CDK14: variants seen among roughly 807,000 people sequenced by gnomAD.
CDK14 encodes cyclin-dependent kinase 14.
CDK14 carries 34 observed loss-of-function variants against 60.7 expected under a neutral mutation model. The ratio of observed to expected loss-of-function variants is 0.56; its 90% CI spans 0.43 to 0.75. The LOEUF is 0.75. CDK14 is among the 30% of genes least tolerant of loss of function. The probability of loss-of-function intolerance (pLI) is 0.00; values close to 1 mark genes in which losing one functional copy is unlikely to be tolerated. For missense variants in CDK14, 482 were observed against 564.1 expected, an observed-to-expected ratio of 0.85 and a Z score of 1.47; for synonymous variants, 197 against 203.7, an observed-to-expected ratio of 0.97 and a Z score of 0.28.
intron 10 of CDK14, among the ~76,000 whole-genome samples, chr7:91,026,010 A>G (rs1196674679): frequency 6.6e-6 from 1 of 151,796 alleles, no homozygotes; most frequent in Non-Finnish European, 1.5e-5. Flanking sequence ...GACATATTTT[A>G]GAGGACTAAG....
chr7:91,141,982 C>T (rs528155875), intron 14 of CDK14, among the ~76,000 whole-genome samples: 43 of 152,170 alleles, frequency 2.8e-4, no homozygotes, highest in African/African-American at 9.9e-4. Flanking sequence ...TCCACCGTCA[C>T]GCCCGGCTAA....
chr7:91,154,123 T>C (rs1279292735), intron 14 of CDK14, among the ~76,000 whole-genome samples: 1 of 152,118 alleles, frequency 6.6e-6, no homozygotes, highest in African/African-American at 2.4e-5. Flanking sequence ...CATCTTAACA[T>C]TTTAATATAT....
At chr7:91,001,838 T>A (rs1204656986) in intron 10 of CDK14, among the ~76,000 whole-genome samples, 1 of 152,214 alleles carries the variant, frequency 6.6e-6, no homozygotes, top group African/African-American at 2.4e-5. Flanking sequence ...TAAACCCAGT[T>A]GTTGTCTTTA....
At chr7:90,886,262 A>G (rs549698813) in intron 6 of CDK14, among the ~76,000 whole-genome samples, 1 of 152,236 alleles carries the variant, frequency 6.6e-6, no homozygotes, top group Non-Finnish European at 1.5e-5. Flanking sequence ...TAGGGTTTCT[A>G]CTGTGTTTTC....
chr7:90,648,679 CA>C (rs1292183019), intron 2 of CDK14, among the ~76,000 whole-genome samples: 1 of 152,118 alleles, frequency 6.6e-6, no homozygotes, highest in Non-Finnish European at 1.5e-5. Flanking sequence ...GATATTTAAA[CA>C]GATTTGGGGA....
chr7:90,867,536 A>G (rs941577005), intron 6 of CDK14, among the ~76,000 whole-genome samples: 2 of 152,192 alleles, frequency 1.3e-5, no homozygotes, highest in Non-Finnish European at 1.5e-5. Flanking sequence ...AGAGCAAAGC[A>G]TGTGTAGCAG....
chr7:91,043,382 G>C lies in CDK14; in HGVS notation c.1042-2515G>C, dbSNP rs1443560566. 2.0e-5 allele frequency among the ~76,000 whole-genome samples: 3 copies of C among 152,192 alleles called. No individual in the cohort carries two copies. The East Asian group carries it at 5.8e-4, about 29-fold the overall frequency. On this transcript the variant is annotated intron_variant, in intron 10 of 14. Transcript: ENST00000380050. ...TTGGCTGTGTTCAAATTGTGCTTTTGAGCTGACATTTCCTCCCTTTGTTGC... is the reference window on the plus strand; with the variant it reads ...TTGGCTGTGTTCAAATTGTGCTTTTCAGCTGACATTTCCTCCCTTTGTTGC...
chr7:90,752,931 A>G (rs1353782691), intron 4 of CDK14, among the ~76,000 whole-genome samples: 2 of 152,162 alleles, frequency 1.3e-5, no homozygotes, highest in African/African-American at 4.8e-5. Context: ...TAACCTCCCA[A>G]TATTGCATCA....
At chr7:91,185,243 C>T (rs887189323) in intron 14 of CDK14, among the ~76,000 whole-genome samples, 2 of 137,234 alleles carry the variant, frequency 1.5e-5, no homozygotes, top group African/African-American at 5.1e-5. Context: ...GTTGCCCTTC[C>T]CTTGGCCTTT....
chr7:90,908,543 G>A (rs1024833084), intron 7 of CDK14, among the ~76,000 whole-genome samples: 5 of 150,432 alleles, frequency 3.3e-5, no homozygotes, highest in Admixed American at 2.0e-4. Context: ...ACACCCTCCT[G>A]GGCTTTACAC....
At chr7:90,638,519 T>C (rs1800220338) in intron 2 of CDK14, among the ~76,000 whole-genome samples, 1 of 152,228 alleles carries the variant, frequency 6.6e-6, no homozygotes, top group Non-Finnish European at 1.5e-5. Flanking sequence ...CTGATGGGCT[T>C]CCCTTTGTGG....
chr7:90,620,552 C>A (rs868026182), intron 2 of CDK14, among the ~76,000 whole-genome samples: 1 of 152,132 alleles, frequency 6.6e-6, no homozygotes, highest in Admixed American at 6.6e-5. Context: ...TAGTAGTCTC[C>A]TTTTCCTTAT....
At chr7:90,794,371 G>T (rs1296976431) in intron 5 of CDK14, among the ~76,000 whole-genome samples, 1 of 152,114 alleles carries the variant, frequency 6.6e-6, no homozygotes, top group Admixed American at 6.5e-5. Context: ...TATTAGGCGG[G>T]AATTTCCTCA....
Position 90,596,653 on chromosome 7 carries a change from C to T in CDK14, c.26C>T (p.Pro9Leu), listed in dbSNP as rs944644674. The T allele has an allele frequency of 1.2e-6, 2 of 1,612,140 alleles. No individual in the cohort carries two copies. The highest frequency in any genetic ancestry group is 1.3e-5 in the African/African-American group (1 of 74,884). ...ATGTGTGACCTCATTGAGCCGCAGC[C>T]GGCCGAGAAGATCGGCAAGATGAAG... MCDLIEPQ[P>L]AEKIGKMKKL... Residue 9 changes from proline (P) to leucine (L), a missense_variant, in exon 1 of 15, where the codon CCG (proline) becomes CTG (leucine). By Grantham distance (98) the Pro-to-Leu change is moderately conservative. Transcript: ENST00000380050.
intron 10 of CDK14, among the ~76,000 whole-genome samples, chr7:91,013,768 AC>A (rs1262487940): frequency 1.3e-5 from 2 of 151,168 alleles, no homozygotes; most frequent in African/African-American, 2.4e-5. Flanking sequence ...AATGATAATC[AC>A]AAGCTTTATA....
At chr7:90,990,902 G>C (rs1209572373) in intron 10 of CDK14, among the ~76,000 whole-genome samples, 3 of 152,088 alleles carry the variant, frequency 2.0e-5, no homozygotes, top group Admixed American at 6.5e-5. Context: ...AGATTATTAG[G>C]CACTTTATGT....
chr7:90,910,519 T>TA (rs936703956), intron 7 of CDK14, among the ~76,000 whole-genome samples: 3 of 152,226 alleles, frequency 2.0e-5, no homozygotes, highest in Admixed American at 1.3e-4. Flanking sequence ...TTTTAAATGA[T>TA]ACGGCGTTAA....
intron 7 of CDK14, among the ~76,000 whole-genome samples, chr7:90,907,780 T>C (rs1446748191): frequency 1.3e-5 from 2 of 152,082 alleles, no homozygotes; most frequent in Non-Finnish European, 2.9e-5. Context: ...AAACTTGCTA[T>C]TTTTCTTTAA....
chr7:90,638,995 C>A (rs1212299331), intron 2 of CDK14, among the ~76,000 whole-genome samples: 2 of 152,140 alleles, frequency 1.3e-5, no homozygotes. Context: ...CTCCTTTAAG[C>A]ACTTCTCTGT....
Sources: gnomAD v4.1 joint callset for allele counts (sites outside exome capture counted in the v4.1 genomes callset) on GRCh38, gnomAD v4.1.1 for gene constraint, MANE v1.5 for transcripts, NCBI Gene and HGNC (gene_info 2026-07-23, HGNC 2026-07-21) for gene names.